The following CNTN4 variants were observed in gnomAD, a reference collection of about 807,000 sequenced individuals.
CNTN4 encodes contactin-4.
CNTN4 carries 77 observed loss-of-function variants against 122.5 expected under a neutral mutation model. The ratio of observed to expected loss-of-function variants is 0.63; its 90% confidence interval spans 0.52 to 0.76. The LOEUF is 0.76. CNTN4 is among the 30% of genes least tolerant of loss of function. The probability of loss-of-function intolerance (pLI) is 0.00; values close to 1 mark genes in which losing one functional copy is unlikely to be tolerated. For synonymous variants in CNTN4, 512 were observed against 447.0 expected, an observed-to-expected ratio of 1.15 and a Z score of -1.83; for missense variants, 1,256 against 1,259.1, an observed-to-expected ratio of 1.00 and a Z score of 0.04.
intron 2 of CNTN4, among the ~76,000 whole-genome samples, chr3:2,279,807 C>G (rs921247675): frequency 6.6e-6 from 1 of 151,186 alleles, no homozygotes; most frequent in African/African-American, 2.4e-5. Context: ...TCTAAAAATT[C>G]TCACAATTCT....
chr3:2,450,014 T>A lies in CNTN4; in HGVS notation c.-89+110781T>A, dbSNP rs117383489. ...AGGCAAGATGAAAAAATTCCACAGA[T>A]CTGTTGTACAACATAGTGCTTATAG... On this transcript the variant is annotated intron_variant, in intron 3 of 24. Coordinates refer to ENST00000418658, the MANE Select transcript of CNTN4 (RefSeq NM_175607.3). 5.2e-4 allele frequency among the ~76,000 whole-genome samples: 79 copies of A among 152,320 alleles called. 2 individuals are homozygous for A. The East Asian group carries it at 0.014, about 26-fold the overall frequency.
chr3:2,618,497 T>C (rs2081866739), intron 4 of CNTN4, among the ~76,000 whole-genome samples: 1 of 152,182 alleles, frequency 6.6e-6, no homozygotes, highest in Non-Finnish European at 1.5e-5. Context: ...AGCATCCATA[T>C]GTACATGTAT....
intron 4 of CNTN4, among the ~76,000 whole-genome samples, chr3:2,705,167 G>A (rs975089525): frequency 1.3e-4 from 19 of 151,164 alleles, no homozygotes; most frequent in African/African-American, 4.6e-4. Flanking sequence ...AGGAGATCGA[G>A]ACCATCCTGG....
chr3:2,824,854 G>A (rs1258602559), intron 7 of CNTN4, among the ~76,000 whole-genome samples: 1 of 151,956 alleles, frequency 6.6e-6, no homozygotes, highest in Non-Finnish European at 1.5e-5. Context: ...GTAGAGATGA[G>A]GTTTCACCAT....
At chr3:2,578,247 G>C (rs2079783732) in intron 4 of CNTN4, among the ~76,000 whole-genome samples, 1 of 152,188 alleles carries the variant, frequency 6.6e-6, no homozygotes. Context: ...ACTGAAGTAG[G>C]CTGTCTAAAG....
chr3:2,357,092 A>T (rs917592970), intron 3 of CNTN4, among the ~76,000 whole-genome samples: 3 of 152,160 alleles, frequency 2.0e-5, no homozygotes, highest in Non-Finnish European at 4.4e-5. Context: ...TCCTGTTACA[A>T]ATGCAGATTC....
intron 12 of CNTN4, among the ~76,000 whole-genome samples, chr3:2,923,496 A>G (rs1258076681): frequency 6.6e-6 from 1 of 152,222 alleles, no homozygotes; most frequent in Non-Finnish European, 1.5e-5. Flanking sequence ...CACAAAGCCT[A>G]CGAACACAGA....
At chr3:2,295,395 T>C (rs1372116954) in intron 2 of CNTN4, among the ~76,000 whole-genome samples, 1 of 135,148 alleles carries the variant, frequency 7.4e-6, no homozygotes, top group Non-Finnish European at 1.6e-5. Context: ...TGGTATCTCA[T>C]TGTGGTTTTG....
intron 4 of CNTN4, among the ~76,000 whole-genome samples, chr3:2,650,498 A>AGG (rs1446657652): frequency 3.8e-4 from 58 of 152,314 alleles, no homozygotes; most frequent in African/African-American, 1.4e-3. Context: ...TCAGTTTGAA[A>AGG]AGAATTCCTA....
At chr3:3,023,267 C>T (rs1325278911) in intron 14 of CNTN4, among the ~76,000 whole-genome samples, 3 of 152,134 alleles carry the variant, frequency 2.0e-5, no homozygotes, top group African/African-American at 4.8e-5. Context: ...CAGTGCATGA[C>T]GTTGCATTGA....
At chr3:2,789,410 G>A (rs1389835095) in intron 6 of CNTN4, among the ~76,000 whole-genome samples, 1 of 152,212 alleles carries the variant, frequency 6.6e-6, no homozygotes, top group Non-Finnish European at 1.5e-5. Flanking sequence ...CCCTGACCTA[G>A]TTGCCAAAGT....
At chr3:2,416,546 A>C (rs1034569038) in intron 3 of CNTN4, among the ~76,000 whole-genome samples, 1 of 152,218 alleles carries the variant, frequency 6.6e-6, no homozygotes, top group Non-Finnish European at 1.5e-5. Flanking sequence ...TGGATATTAC[A>C]TTTGTTGACT....
intron 2 of CNTN4, among the ~76,000 whole-genome samples, chr3:2,252,325 C>A (rs746984705): frequency 1.3e-4 from 19 of 151,814 alleles, no homozygotes; most frequent in Admixed American, 2.0e-4. Flanking sequence ...TTTAAATCAC[C>A]TTTATTACAT....
intron 3 of CNTN4, among the ~76,000 whole-genome samples, chr3:2,504,989 G>A (rs545015659): frequency 3.2e-4 from 48 of 152,206 alleles, no homozygotes; most frequent in African/African-American, 1.1e-3. Context: ...ACAAAAAGAA[G>A]AACCCACCCA....
At chr3:2,588,176 G>T (rs1208471639) in intron 4 of CNTN4, among the ~76,000 whole-genome samples, 1 of 151,992 alleles carries the variant, frequency 6.6e-6, no homozygotes, top group East Asian at 1.9e-4. Context: ...ATTAAAGCCT[G>T]GCACGTCCTC....
At position 3,034,799 on chromosome 3, in the gene CNTN4, T is replaced by C. The variant is rs1699459282; in HGVS notation, c.1942+9T>C. 5.0e-6 allele frequency: 8 copies of C among 1,613,982 alleles called. No individual in the cohort carries two copies. Among genetic ancestry groups the C allele is most frequent in the Non-Finnish European group, 5.9e-6 (7 of 1,179,902 alleles). ...GCAAGCAGTCAGTACAGGTACCATA[T>C]TGGATGCTTGGCTCAGAGACATTGG... On this transcript the variant is annotated intron_variant, in intron 17 of 24. Coordinates refer to ENST00000418658, the MANE Select transcript of CNTN4 (RefSeq NM_175607.3).
At chr3:2,490,102 G>T (rs915983934) in intron 3 of CNTN4, among the ~76,000 whole-genome samples, 1 of 150,906 alleles carries the variant, frequency 6.6e-6, no homozygotes, top group Non-Finnish European at 1.5e-5. Context: ...AACCTCTCAA[G>T]TAACAGCCAT....
At chr3:2,453,716 A>G (rs1281000900) in intron 3 of CNTN4, among the ~76,000 whole-genome samples, 2 of 152,182 alleles carry the variant, frequency 1.3e-5, no homozygotes, top group Non-Finnish European at 2.9e-5. Flanking sequence ...TAGGAACTGC[A>G]TCATTGAGAA....
chr3:2,863,039 A>AT (rs1309603879), intron 7 of CNTN4, among the ~76,000 whole-genome samples: 1 of 152,114 alleles, frequency 6.6e-6, no homozygotes, highest in Non-Finnish European at 1.5e-5. Flanking sequence ...AGACCTCAGA[A>AT]TTTTCTTATC....
Sources: allele counts gnomAD v4.1 joint callset (sites outside exome capture counted in the v4.1 genomes callset), GRCh38; gene constraint gnomAD v4.1.1; transcripts MANE v1.5; gene names NCBI Gene and HGNC (gene_info 2026-07-23, HGNC 2026-07-21).